The following DNMT3A variants were observed in gnomAD, a reference collection of about 807,000 sequenced individuals.
DNMT3A encodes the protein DNA (cytosine-5)-methyltransferase 3A.
A neutral mutation model predicts 117.6 loss-of-function variants in DNMT3A; 267 were observed. That is an observed-to-expected ratio of 2.27 (90% confidence interval 2.05 to 2.51). DNMT3A has a LOEUF of 2.51. DNMT3A is among the 30% of genes most tolerant of loss of function. The pLI, the probability that DNMT3A is intolerant of heterozygous loss-of-function variation, is 0.00. For missense variants in DNMT3A, 1,029 were observed against 1,260.2 expected (o/e 0.82, Z 2.78); for synonymous variants, 432 against 474.8 (o/e 0.91, Z 1.17).
At chr2:25,321,838 A>G (rs1357534977) in intron 1 of DNMT3A, among the ~76,000 whole-genome samples, 1 of 152,210 alleles carries the variant, frequency 6.6e-6, no homozygotes. Context: ...GGGAGCTGTG[A>G]TTGTGCCACC....
In DNMT3A at chr2:25,264,132, GTTTTT is replaced by G. The variant is rs1175186554; in HGVS notation, c.639+10804_639+10808del. Among the ~76,000 whole-genome samples, 400 of 73,758 alleles carry G rather than the reference GTTTTT, an allele frequency of 5.4e-3. 2 individuals carry two copies. Among genetic ancestry groups the G allele is most frequent in the African/African-American group, 0.019 (352 of 18,124 alleles). 48.4% of individuals were successfully genotyped at this position (73,758 alleles called of 152,430 possible). ...TCAGTAAAGGCTGGACAACCCTTTG[GTTTTT>G]TTTTTTTTTTTTTTTTTTTTGAGAC... is the stretch of plus-strand genomic sequence containing the variant. On this transcript the variant is annotated intron_variant, in intron 6 of 22. Transcript: ENST00000321117.
At chr2:25,270,957 G>A (rs2030836194) in intron 6 of DNMT3A, among the ~76,000 whole-genome samples, 1 of 151,666 alleles carries the variant, frequency 6.6e-6, no homozygotes, top group Non-Finnish European at 1.5e-5. Context: ...CTGGGAGATG[G>A]AGGTTGCAGT....
At chr2:25,316,720 C>A (rs565672431) in intron 1 of DNMT3A, among the ~76,000 whole-genome samples, 1 of 152,216 alleles carries the variant, frequency 6.6e-6, no homozygotes, top group African/African-American at 2.4e-5. Flanking sequence ...CACCGCACAG[C>A]CCTGGCTGCT....
At chr2:25,299,054 T>C (rs1432030278) in intron 3 of DNMT3A, among the ~76,000 whole-genome samples, 2 of 152,026 alleles carry the variant, frequency 1.3e-5, no homozygotes, top group Non-Finnish European at 1.5e-5. Flanking sequence ...AAGGGCTGAG[T>C]AACAAATCCA....
At position 25,245,269 on chromosome 2, in the gene DNMT3A, AT is replaced by A; in HGVS notation, c.1537del (p.Met513CysfsTer138). ...TLEHPLFVGG[M>X]CQNCKNCFLE... ...TGCTCCTACCTTGCAGTTTTGGCAC[AT>A]TCCTCCAACGAAGAGGGGGTGTTCC... On this transcript the variant is annotated frameshift_variant, in exon 13 of 23. Coordinates refer to ENST00000321117, the MANE Select transcript of DNMT3A (RefSeq NM_022552.5). LOFTEE classifies it high-confidence loss of function. 6.2e-7 allele frequency: 1 copy of A among 1,613,896 alleles called. No individual in the cohort carries two copies. The highest frequency in any genetic ancestry group is 1.1e-5 in the South Asian group (1 of 90,948).
intron 3 of DNMT3A, among the ~76,000 whole-genome samples, chr2:25,297,370 G>C (rs2033151503): frequency 6.6e-6 from 1 of 152,180 alleles, no homozygotes; most frequent in Non-Finnish European, 1.5e-5. Flanking sequence ...CAGACCACGA[G>C]GGGCACGGGA....
chr2:25,240,273 G>A, intron 19 of DNMT3A, 29 bp downstream of exon 19: 2 of 1,613,936 alleles, frequency 1.2e-6, no homozygotes, highest in Non-Finnish European at 1.7e-6. Flanking sequence ...CCATTAGTGA[G>A]CTGGCCAAAC....
In DNMT3A at chr2:25,232,098, A is replaced by G. The variant is rs1672905337; in HGVS notation, c.*2181T>C. Reference sequence around the variant, plus strand: ...GCCTGCTTCCCCCACTCCCCACCCCATAATATTTCTTAAACATGACCCTAT... The same window carrying G: ...GCCTGCTTCCCCCACTCCCCACCCCGTAATATTTCTTAAACATGACCCTAT... On this transcript the variant is annotated 3_prime_UTR_variant, in exon 23 of 23. Transcript: ENST00000321117. This position sits in a 1 kb window ranked among gnomAD's most constrained non-coding sequence, Gnocchi z 4.1. The G allele has an allele frequency of 6.6e-6, 1 of 152,076 alleles. No homozygotes were observed. The highest frequency in any genetic ancestry group is 2.4e-5 in the African/African-American group (1 of 41,390). The allele number at this position is 152,076 out of a possible 1,614,324, so 9.4% of individuals were successfully genotyped here. A position where few individuals can be genotyped will look rare whatever the true frequency, so the allele number is the denominator to read the frequency against.
rs1675726544 is a variant in DNMT3A at position 25,252,628 on chromosome 2, CCGGGAGGG to C, written c.640-4384_640-4377del. Among the ~76,000 whole-genome samples the C allele has an allele frequency of 6.6e-6, 1 of 151,356 alleles. No homozygotes were observed. The highest frequency in any genetic ancestry group is 6.6e-5 in the Admixed American group (1 of 15,238). ...AAGAGATTAGCGCGGGGCCGGGGGG[CCGGGAGGG>C]GAGGGAAGGGGCTGCTCCCGAGCCG... On this transcript the variant is annotated intron_variant, in intron 6 of 22. Transcript: ENST00000321117. This position sits in a 1 kb window ranked among gnomAD's most constrained non-coding sequence, Gnocchi z 5.5.
rs2032930701 is a variant in DNMT3A, at chr2:25,293,862, GGT to G, written c.177+6275_177+6276del. ...TTTTTTCTATTTTTAGTAGAGATGG[GGT>G]TTTGCCATGTTGGCCAGGCTGGTCT... On this transcript the variant is annotated intron_variant, in intron 3 of 22. Coordinates refer to ENST00000321117, the MANE Select transcript of DNMT3A (RefSeq NM_022552.5). This position sits in a 1 kb window ranked among gnomAD's most constrained non-coding sequence, Gnocchi z 4.7. Among the ~76,000 whole-genome samples, 2 of 152,160 alleles carry G rather than the reference GGT, an allele frequency of 1.3e-5. No homozygotes were observed. The highest frequency in any genetic ancestry group is 4.8e-5 in the African/African-American group (2 of 41,400).
chr2:25,290,934 G>C (rs1178105588), intron 3 of DNMT3A, among the ~76,000 whole-genome samples: 2 of 152,112 alleles, frequency 1.3e-5, no homozygotes, highest in African/African-American at 2.4e-5. Context: ...CAGAGGGCCG[G>C]GCCTGCCATG....
chr2:25,292,225 C>T (rs2032812112), intron 3 of DNMT3A, among the ~76,000 whole-genome samples: 1 of 152,132 alleles, frequency 6.6e-6, no homozygotes, highest in Non-Finnish European at 1.5e-5. Context: ...TGGTGCACGC[C>T]TGTAATCCCA....
At chr2:25,310,168 G>C (rs2034030101) in intron 2 of DNMT3A, among the ~76,000 whole-genome samples, 1 of 152,162 alleles carries the variant, frequency 6.6e-6, no homozygotes, top group Non-Finnish European at 1.5e-5. Flanking sequence ...ACAGAACTGA[G>C]AACAGGGGCC....
rs2034258253 is a variant in DNMT3A, at chr2:25,313,956, C to T, written c.29G>A (p.Gly10Glu). The T allele has an allele frequency of 6.5e-7, 1 of 1,549,456 alleles. No individual in the cohort carries two copies. Among genetic ancestry groups the T allele is most frequent in the South Asian group, 1.2e-5 (1 of 83,858 alleles). Residue 10 changes from glycine (G) to glutamate (E), a missense_variant, in exon 2 of 23, where the codon GGG (glycine) becomes GAG (glutamate). Gly to Glu is a moderately conservative substitution (Grantham distance 98). Transcript: ENST00000321117. MPAMPSSGPGDTSSSAAERE... is the reference protein window; with the variant it reads MPAMPSSGPEDTSSSAAERE... ...CTCCGCAGCAGAGCTGCTGGTGTCC[C>T]CGGGGCCGCTGGAGGGCATGGCGGG...
Position 25,244,623 on chromosome 2 carries a change from G to A in DNMT3A, c.1584C>T (p.Tyr528=), listed in dbSNP as rs748208774. The change falls in exon 14 of 23, where the codon TAC becomes TAT. Residue 528 remains tyrosine, a synonymous_variant. Coordinates refer to ENST00000321117, the MANE Select transcript of DNMT3A (RefSeq NM_022552.5). ...AGTAGGACTGGTAGCCGTCGTCGTC[G>A]TACTGGTACGCACACTCCAGAAAGC... is the stretch of plus-strand genomic sequence containing the variant. The part of the protein sequence containing the change: ...KNCFLECAYQ[Y]DDDGYQSYCT... 9.3e-6 allele frequency: 15 copies of A among 1,614,132 alleles called. No homozygotes were observed. Among genetic ancestry groups the A allele is most frequent in the East Asian group, 2.2e-5 (1 of 44,880 alleles).
At chr2:25,274,224 C>T (rs1298929688) in intron 6 of DNMT3A, among the ~76,000 whole-genome samples, 2 of 152,228 alleles carry the variant, frequency 1.3e-5, no homozygotes, top group Non-Finnish European at 2.9e-5. Flanking sequence ...AGTTCCCCTC[C>T]CTGCCGGTCC....
At chr2:25,251,188 C>G (rs1675507304) in intron 6 of DNMT3A, among the ~76,000 whole-genome samples, 1 of 113,234 alleles carries the variant, frequency 8.8e-6, no homozygotes, top group African/African-American at 3.7e-5. Flanking sequence ...GGGGGCCTGA[C>G]GAAAGGGGAA....
At position 25,324,548 on chromosome 2, in the gene DNMT3A, C is replaced by T. The variant is rs532223044; in HGVS notation, c.-177-10387G>A. Among the ~76,000 whole-genome samples, 15 of 152,304 alleles carry T rather than the reference C, an allele frequency of 9.8e-5. No individual in the cohort carries two copies. The East Asian group carries it at 1.2e-3, about 12-fold the overall frequency. On this transcript the variant is annotated intron_variant, in intron 1 of 22. Coordinates refer to ENST00000321117, the MANE Select transcript of DNMT3A (RefSeq NM_022552.5). ...CCCATGGCTAAATTTCCTATTTGAG[C>T]TTAGGAGGAGGTGCAAATGTGGGTG...
Position 25,246,645 on chromosome 2 carries a change from G to A in DNMT3A, c.1254C>T (p.Gly418=). The change falls in exon 10 of 23, where the codon GGC becomes GGT. Residue 418 remains glycine (G), a synonymous_variant. Transcript: ENST00000321117. ...EWALGGFQPS[G]PKGLEPPEEE... ...CTTCTGGTGGCTCCAGGCCCTTAGG[G>A]CCAGAAGGCTGGAAGCCCCCCAGGG... The A allele has an allele frequency of 1.2e-6, 2 of 1,613,236 alleles. No individual in the cohort carries two copies. Among genetic ancestry groups the A allele is most frequent in the South Asian group, 1.1e-5 (1 of 91,080 alleles).
Sources: gnomAD v4.1 joint callset for allele counts (sites outside exome capture counted in the v4.1 genomes callset) on GRCh38, gnomAD v4.1.1 for gene constraint, Gnocchi (gnomAD v3.1) non-coding constraint, MANE v1.5 for transcripts, NCBI Gene and HGNC (gene_info 2026-07-23, HGNC 2026-07-21) for gene names.